WWOX: variants seen among roughly 807,000 people sequenced by gnomAD.
WWOX encodes the protein WW domain-containing oxidoreductase.
Under a neutral mutation model 46.2 loss-of-function variants are expected in WWOX, and 69 were observed. The ratio of observed to expected loss-of-function variants is 1.49; its 90% CI spans 1.23 to 1.82. The LOEUF is 1.82. Among genes scored for constraint, WWOX ranks in the 40% most tolerant of loss-of-function variants. The pLI, the probability that WWOX is intolerant of heterozygous loss-of-function variation, is 0.00. For synonymous variants in WWOX, 359 were observed against 202.6 expected, an observed-to-expected ratio of 1.77 and a Z score of -6.56; for missense variants, 919 against 542.6, an observed-to-expected ratio of 1.69 and a Z score of -6.89.
At chr16:78,562,867 C>T (rs1395173483) in intron 8 of WWOX, among the ~76,000 whole-genome samples, 1 of 152,182 alleles carries the variant, frequency 6.6e-6, no homozygotes, top group Non-Finnish European at 1.5e-5. Context: ...AGCTGAGCGA[C>T]GTCGGAGCTC....
chr16:78,362,653 G>A (rs1298188827), intron 5 of WWOX, among the ~76,000 whole-genome samples: 1 of 152,070 alleles, frequency 6.6e-6, no homozygotes, highest in East Asian at 1.9e-4. Context: ...AAAAATCCTG[G>A]TGCTTGTAGG....
At chr16:78,755,901 G>A (rs2049634222) in intron 8 of WWOX, among the ~76,000 whole-genome samples, 1 of 152,124 alleles carries the variant, frequency 6.6e-6, no homozygotes, top group Non-Finnish European at 1.5e-5. Flanking sequence ...AACTTCATAG[G>A]ATTTTTGTCA....
intron 4 of WWOX, among the ~76,000 whole-genome samples, chr16:78,141,193 G>A (rs772047353): frequency 2.5e-4 from 38 of 152,206 alleles, no homozygotes; most frequent in Non-Finnish European, 5.1e-4. Context: ...TGCTTAGTGA[G>A]GATGTTGCAG....
intron 8 of WWOX, among the ~76,000 whole-genome samples, chr16:79,179,999 T>C (rs1429451820): frequency 6.6e-6 from 1 of 152,228 alleles, no homozygotes; most frequent in Non-Finnish European, 1.5e-5. Context: ...ACCAGGTTTT[T>C]TTTTTCCCCT....
chr16:78,106,828 C>T (rs1045454631), intron 1 of WWOX, among the ~76,000 whole-genome samples: 1 of 152,200 alleles, frequency 6.6e-6, no homozygotes, highest in African/African-American at 2.4e-5. Context: ...GTTCTCCAAG[C>T]ACTGTCACAG....
At chr16:79,204,982 G>A (rs893496129) in intron 8 of WWOX, 1 of 152,124 alleles carries the variant, frequency 6.6e-6, no homozygotes, top group Non-Finnish European at 1.5e-5. Flanking sequence ...CATGTCTTTT[G>A]TCAGGGAGAA....
At chr16:78,629,730 T>C (rs72792787) in intron 8 of WWOX, among the ~76,000 whole-genome samples, 9,441 of 152,278 alleles carry the variant, frequency 0.062, 390 homozygotes, top group Non-Finnish European at 0.081. Context: ...TTTCTCATCA[T>C]TTAGGCTTCA....
intron 8 of WWOX, among the ~76,000 whole-genome samples, chr16:78,532,832 C>G (rs1397519765): frequency 1.3e-5 from 2 of 152,170 alleles, no homozygotes; most frequent in East Asian, 1.9e-4. Context: ...CACCTGGTCC[C>G]TCCTGCAACA....
At chr16:78,280,697 C>T (rs1463610223) in intron 5 of WWOX, 1 of 152,046 alleles carries the variant, frequency 6.6e-6, no homozygotes. Flanking sequence ...AACCCTTTTC[C>T]TGTTTAGGAA....
At chr16:78,415,270 G>C (rs2082772003) in intron 6 of WWOX, among the ~76,000 whole-genome samples, 1 of 152,064 alleles carries the variant, frequency 6.6e-6, no homozygotes, top group South Asian at 2.1e-4. Context: ...CATGGTGCTG[G>C]TGGGAGTGTC....
chr16:78,531,584 T>G (rs2151513474), intron 8 of WWOX, among the ~76,000 whole-genome samples: 1 of 152,296 alleles, frequency 6.6e-6, no homozygotes, highest in Admixed American at 6.5e-5. Context: ...GGCTCATGAC[T>G]GTAATCCCAG....
chr16:78,573,541 A>T (rs963525157), intron 8 of WWOX, among the ~76,000 whole-genome samples: 27 of 152,186 alleles, frequency 1.8e-4, no homozygotes, highest in Admixed American at 1.6e-3. Flanking sequence ...GCTCAAAAAC[A>T]TTCAGTGGCT....
At chr16:78,408,783 C>T (rs1013257101) in intron 6 of WWOX, among the ~76,000 whole-genome samples, 2 of 152,200 alleles carry the variant, frequency 1.3e-5, no homozygotes, top group Admixed American at 1.3e-4. Context: ...CCTGAGTCAC[C>T]TTTGGGAGGT....
chr16:78,207,284 G>A (rs2036424414), intron 5 of WWOX, among the ~76,000 whole-genome samples: 1 of 151,908 alleles, frequency 6.6e-6, no homozygotes, highest in African/African-American at 2.4e-5. Context: ...TTAAATAGTG[G>A]GCTTTGATGA....
intron 8 of WWOX, among the ~76,000 whole-genome samples, chr16:79,123,523 C>T (rs2049684374): frequency 6.6e-6 from 1 of 152,056 alleles, no homozygotes; most frequent in African/African-American, 2.4e-5. Context: ...CATAACAGTT[C>T]TGTGCCTGAG....
At chr16:78,407,886 G>C (rs540684092) in intron 6 of WWOX, among the ~76,000 whole-genome samples, 2 of 152,334 alleles carry the variant, frequency 1.3e-5, no homozygotes, top group Non-Finnish European at 2.9e-5. Flanking sequence ...GTCTACTGTA[G>C]AGATAACATT....
chr16:78,422,774 C>T (rs570772450), intron 6 of WWOX, among the ~76,000 whole-genome samples: 6 of 113,832 alleles, frequency 5.3e-5, no homozygotes, highest in African/African-American at 2.6e-4. Context: ...TATATACACA[C>T]ATATATATAT....
At chr16:78,373,634 A>ATT (rs201378338) in intron 5 of WWOX, among the ~76,000 whole-genome samples, 18 of 146,714 alleles carry the variant, frequency 1.2e-4, no homozygotes, top group South Asian at 4.3e-4. Flanking sequence ...GCATAGAACT[A>ATT]TTTTTTTTTT....
chr16:78,828,887 A>G (rs1017750239), intron 8 of WWOX, among the ~76,000 whole-genome samples: 3 of 152,150 alleles, frequency 2.0e-5, no homozygotes, highest in African/African-American at 7.2e-5. Flanking sequence ...ATGTAATCCT[A>G]AAATGTAGAT....
Sources: allele counts gnomAD v4.1 joint callset (sites outside exome capture counted in the v4.1 genomes callset), GRCh38; gene constraint gnomAD v4.1.1; transcripts MANE v1.5; gene names NCBI Gene and HGNC (gene_info 2026-07-23, HGNC 2026-07-21).